STK33: variants seen among roughly 807,000 people sequenced by gnomAD.
STK33 encodes the protein serine/threonine kinase 33, also known as serine/threonine-protein kinase 33.
Under a neutral mutation model 58.0 loss-of-function variants are expected in STK33, and 52 were observed. The observed-to-expected ratio is 0.90, with a 90% confidence interval of 0.72 to 1.13. The LOEUF (loss-of-function observed/expected upper bound fraction) is 1.13, where lower values mean the gene tolerates loss of function less well. Among genes scored for constraint, STK33 ranks in the 50% most tolerant of loss-of-function variants. STK33 has a pLI of 0.00. For synonymous variants in STK33, 215 were observed against 200.1 expected, an observed-to-expected ratio of 1.07 and a Z score of -0.63; for missense variants, 630 against 604.2, an observed-to-expected ratio of 1.04 and a Z score of -0.45.
chr11:8,434,246 CAAAAAAAAA>C, intron 14 of STK33: 3 of 94,214 alleles, frequency 3.2e-5, no homozygotes, highest in Middle Eastern at 4.6e-3. Context: ...GACTCCGTCT[CAAAAAAAAA>C]AAAAAAAAAA....
At chr11:8,451,356 T>A (rs1946252157) in intron 11 of STK33, among the ~76,000 whole-genome samples, 1 of 152,132 alleles carries the variant, frequency 6.6e-6, no homozygotes, top group Admixed American at 6.6e-5. Flanking sequence ...GGTAAGTAGA[T>A]AAACAAAATG....
At chr11:8,445,330 G>C (rs1270973525) in intron 11 of STK33, among the ~76,000 whole-genome samples, 1 of 152,176 alleles carries the variant, frequency 6.6e-6, no homozygotes, top group African/African-American at 2.4e-5. Context: ...TGCAAACAGA[G>C]ACAATTTGAC....
At chr11:8,584,074 A>C (rs2141403915) in intron 1 of STK33, among the ~76,000 whole-genome samples, 1 of 151,740 alleles carries the variant, frequency 6.6e-6, no homozygotes, top group East Asian at 1.9e-4. Context: ...CATTTATTGA[A>C]TCGCAGAATG....
rs1314867383 is a variant in STK33, at chr11:8,392,562, G to C, written c.1493C>G (p.Thr498Ser). Residue 498 changes from threonine (T) to serine (S), a missense_variant, in exon 16 of 16, where the codon ACC (threonine) becomes AGC (serine). By Grantham distance (58) the Thr-to-Ser change is moderately conservative. Transcript: ENST00000687296. Reference protein sequence around the residue: ...TPVTPSQGTATKYPAKSGALS... With the variant: ...TPVTPSQGTASKYPAKSGALS... Reference sequence around the variant, plus strand: ...GGCGCCGGATTTAGCAGGGTACTTGGTTGCTGTTCCTTGGCTTGGAGTCAC... The same window carrying C: ...GGCGCCGGATTTAGCAGGGTACTTGCTTGCTGTTCCTTGGCTTGGAGTCAC... The C allele has an allele frequency of 6.2e-7, 1 of 1,614,186 alleles. No homozygotes were observed. Among genetic ancestry groups the C allele is most frequent in the East Asian group, 2.2e-5 (1 of 44,880 alleles).
intron 1 of STK33, among the ~76,000 whole-genome samples, chr11:8,577,320 T>G (rs1271988481): frequency 6.6e-6 from 1 of 151,976 alleles, no homozygotes. Flanking sequence ...AAACAAAAAA[T>G]AGCAGAAGGA....
At chr11:8,536,864 CT>C (rs1955048112) in intron 1 of STK33, among the ~76,000 whole-genome samples, 2 of 145,596 alleles carry the variant, frequency 1.4e-5, no homozygotes, top group Non-Finnish European at 3.0e-5. Context: ...TCACTGCAAC[CT>C]TGAGCTCCTG....
At chr11:8,416,212 A>C (rs1369933430) in intron 14 of STK33, among the ~76,000 whole-genome samples, 1 of 152,180 alleles carries the variant, frequency 6.6e-6, no homozygotes, top group Non-Finnish European at 1.5e-5. Context: ...TAACAGAAGA[A>C]ATTGCTGACT....
At chr11:8,428,610 C>A (rs543154153) in intron 14 of STK33, among the ~76,000 whole-genome samples, 1 of 152,348 alleles carries the variant, frequency 6.6e-6, no homozygotes, top group East Asian at 1.9e-4. Context: ...CTGTGATGAA[C>A]TGCATGACAC....
chr11:8,354,804 C>A, the STK33 span, among the ~76,000 whole-genome samples: 1 of 152,232 alleles, frequency 6.6e-6, no homozygotes, highest in East Asian at 1.9e-4. Context: ...ATCAATTAGG[C>A]TCTGATTAGA....
intron 14 of STK33, among the ~76,000 whole-genome samples, chr11:8,422,537 A>G (rs1942077113): frequency 6.6e-6 from 1 of 152,148 alleles, no homozygotes. Flanking sequence ...TTAAGATGAA[A>G]GTATGGTAGA....
At chr11:8,502,258 C>CA (rs1591514190) in intron 1 of STK33, among the ~76,000 whole-genome samples, 2 of 151,984 alleles carry the variant, frequency 1.3e-5, no homozygotes, top group East Asian at 3.9e-4. Flanking sequence ...CTACAGTAAC[C>CA]AAAAAAGCAT....
At chr11:8,517,945 A>T (rs1441314071) in intron 1 of STK33, among the ~76,000 whole-genome samples, 1 of 152,212 alleles carries the variant, frequency 6.6e-6, no homozygotes, top group Admixed American at 6.5e-5. Context: ...GAACTTCCCC[A>T]ACCTAGCAAG....
chr11:8,489,318 G>A (rs532573610), intron 1 of STK33, among the ~76,000 whole-genome samples: 2 of 147,156 alleles, frequency 1.4e-5, no homozygotes, highest in Non-Finnish European at 3.0e-5. Context: ...AAAGTATAAA[G>A]GTATAAATAT....
At chr11:8,351,184 C>T in the STK33 span, among the ~76,000 whole-genome samples, 1 of 152,168 alleles carries the variant, frequency 6.6e-6, no homozygotes, top group Non-Finnish European at 1.5e-5. Context: ...ATTCTATTCC[C>T]TAGTCCTGAC....
intron 1 of STK33, chr11:8,555,018 C>T (rs1956633993): frequency 6.6e-6 from 1 of 151,910 alleles, no homozygotes; most frequent in Non-Finnish European, 1.5e-5. Flanking sequence ...AGACAGAGGA[C>T]CTCTCTCTCA....
chr11:8,561,946 T>C (rs979663226), intron 1 of STK33, among the ~76,000 whole-genome samples: 1 of 152,152 alleles, frequency 6.6e-6, no homozygotes, highest in African/African-American at 2.4e-5. Context: ...GTCAGTATCA[T>C]AGACAGACCA....
At chr11:8,500,620 T>C (rs1340278713) in intron 1 of STK33, among the ~76,000 whole-genome samples, 1 of 152,190 alleles carries the variant, frequency 6.6e-6, no homozygotes, top group Non-Finnish European at 1.5e-5. Flanking sequence ...CCCAAACTGA[T>C]CTACCAATTC....
chr11:8,499,218 A>G lies in STK33; in HGVS notation c.-465-18604T>C, dbSNP rs543405381. ...GGCTAATATCTAGAATCTACAAAGA[A>G]CTTAAATTTACAAGAAAAAACAACC... is the stretch of plus-strand genomic sequence containing the variant. On this transcript the variant is annotated intron_variant, in intron 1 of 15. Coordinates refer to ENST00000687296, the MANE Select transcript of STK33 (RefSeq NM_001352389.2). Among the ~76,000 whole-genome samples, 4 of 152,304 alleles carry G rather than the reference A, an allele frequency of 2.6e-5. No individual in the cohort carries two copies. The South Asian group carries it at 8.3e-4, about 32-fold the overall frequency.
chr11:8,553,213 A>AC (rs1956474610), intron 1 of STK33, among the ~76,000 whole-genome samples: 1 of 108,502 alleles, frequency 9.2e-6, no homozygotes, highest in Admixed American at 9.7e-5. Flanking sequence ...ATATATATAT[A>AC]TATATATATA....
Sources: allele counts gnomAD v4.1 joint callset (sites outside exome capture counted in the v4.1 genomes callset), GRCh38; gene constraint gnomAD v4.1.1; transcripts MANE v1.5; gene names NCBI Gene and HGNC (gene_info 2026-07-23, HGNC 2026-07-21).